RASAL2: variants seen among roughly 807,000 people sequenced by gnomAD.
RASAL2 encodes the protein RAS protein activator like 2, also known as ras GTPase-activating protein nGAP.
RASAL2 carries 58 observed loss-of-function variants against 128.9 expected under a neutral mutation model. The ratio of observed to expected loss-of-function variants is 0.45; its 90% CI spans 0.36 to 0.56. The LOEUF (loss-of-function observed/expected upper bound fraction) is 0.56, where lower values mean the gene tolerates loss of function less well. Ranked by LOEUF, RASAL2 falls within the 20% of genes least tolerant of loss-of-function variation. The pLI is 0.00. For synonymous variants in RASAL2, 561 were observed against 580.8 expected (o/e 0.97, Z 0.49); for missense variants, 1,360 against 1,601.6 (o/e 0.85, Z 2.57).
intron 3 of RASAL2, among the ~76,000 whole-genome samples, chr1:178,324,632 A>G (rs1193421151): frequency 6.6e-6 from 1 of 152,108 alleles, no homozygotes; most frequent in Admixed American, 6.5e-5. Context: ...GACTTGACCT[A>G]GGCCCTTGAC....
intron 1 of RASAL2, among the ~76,000 whole-genome samples, chr1:178,263,432 TCA>T (rs1256865301): frequency 6.6e-6 from 1 of 151,988 alleles, no homozygotes; most frequent in East Asian, 1.9e-4. Flanking sequence ...TTGACTAGAG[TCA>T]CATGGCTGGC....
At chr1:178,164,303 A>T (rs1380979261) in intron 1 of RASAL2, among the ~76,000 whole-genome samples, 1 of 152,162 alleles carries the variant, frequency 6.6e-6, no homozygotes, top group African/African-American at 2.4e-5. Flanking sequence ...CTCCAATTAT[A>T]ACATGTTATT....
intron 4 of RASAL2, among the ~76,000 whole-genome samples, chr1:178,401,475 T>C (rs905730091): frequency 3.3e-5 from 5 of 152,140 alleles, no homozygotes; most frequent in Non-Finnish European, 7.4e-5. Flanking sequence ...GCCTGTCAAC[T>C]CTTTAAAAGT....
chr1:178,102,576 A>G (rs1349743593), intron 1 of RASAL2, among the ~76,000 whole-genome samples: 2 of 152,068 alleles, frequency 1.3e-5, no homozygotes, highest in African/African-American at 2.4e-5. Context: ...TTTTTTGTGT[A>G]CAGATTTTTT....
chr1:178,200,727 G>A (rs1356661574), intron 1 of RASAL2, among the ~76,000 whole-genome samples: 1 of 152,154 alleles, frequency 6.6e-6, no homozygotes, highest in Non-Finnish European at 1.5e-5. Context: ...GAAAAGAATG[G>A]GACCCTGCAA....
chr1:178,285,409 C>T (rs1571779703), intron 2 of RASAL2, among the ~76,000 whole-genome samples: 1 of 152,082 alleles, frequency 6.6e-6, no homozygotes, highest in Admixed American at 6.5e-5. Flanking sequence ...CATGAGCCAC[C>T]GCGCCCGGCC....
chr1:178,373,943 C>T (rs1671856312), intron 3 of RASAL2, among the ~76,000 whole-genome samples: 1 of 151,976 alleles, frequency 6.6e-6, no homozygotes, highest in Non-Finnish European at 1.5e-5. Context: ...GATTATCCAC[C>T]CAATGGAAGC....
intron 1 of RASAL2, among the ~76,000 whole-genome samples, chr1:178,188,165 T>C (rs1424683042): frequency 6.6e-6 from 1 of 152,150 alleles, no homozygotes; most frequent in Non-Finnish European, 1.5e-5. Flanking sequence ...ATTCAACCAA[T>C]AACTCAAGGG....
chr1:178,414,450 AC>A (rs1429485647), intron 4 of RASAL2, among the ~76,000 whole-genome samples: 1 of 152,214 alleles, frequency 6.6e-6, no homozygotes, highest in Non-Finnish European at 1.5e-5. Flanking sequence ...CCTAAAGTAA[AC>A]TATGGAATAT....
intron 2 of RASAL2, among the ~76,000 whole-genome samples, chr1:178,285,451 T>C (rs2102221813): frequency 6.6e-6 from 1 of 152,338 alleles, no homozygotes; most frequent in African/African-American, 2.4e-5. Context: ...CTTGTTAATA[T>C]GCCTCCATGA....
intron 17 of RASAL2, among the ~76,000 whole-genome samples, chr1:178,471,464 G>T (rs1648262744): frequency 6.6e-6 from 1 of 152,114 alleles, no homozygotes; most frequent in African/African-American, 2.4e-5. Context: ...TCCTTAAAAT[G>T]AATTACTTTC....
intron 4 of RASAL2, among the ~76,000 whole-genome samples, chr1:178,395,163 A>G (rs949581459): frequency 6.6e-6 from 1 of 152,202 alleles, no homozygotes; most frequent in Non-Finnish European, 1.5e-5. Context: ...AACTTCAAAA[A>G]ATATACTGAT....
chr1:178,400,629 G>A (rs1255966303), intron 4 of RASAL2, among the ~76,000 whole-genome samples: 1 of 151,882 alleles, frequency 6.6e-6, no homozygotes, highest in African/African-American at 2.4e-5. Context: ...AAAAATTTTT[G>A]CTCTTTAAAA....
chr1:178,394,777 T>G (rs1673115249), intron 4 of RASAL2, among the ~76,000 whole-genome samples: 1 of 152,176 alleles, frequency 6.6e-6, no homozygotes. Context: ...AGCTGAATAT[T>G]CCTATGTAAC....
At chr1:178,280,167 A>G (rs983487897) in intron 1 of RASAL2, among the ~76,000 whole-genome samples, 2 of 152,098 alleles carry the variant, frequency 1.3e-5, no homozygotes, top group Non-Finnish European at 2.9e-5. Context: ...TAGTTATTTG[A>G]AAATATTATT....
rs867760391 is a variant in RASAL2 at position 178,317,948 on chromosome 1, C to T, written c.457+17830C>T. On this transcript the variant is annotated intron_variant, in intron 3 of 17. Coordinates refer to ENST00000367649, the MANE Select transcript of RASAL2 (RefSeq NM_170692.4). ...GGCATTTATTGCTATAAATTTCCCT[C>T]TACACACTGCTTTGAATGCGTCCCA... Among the ~76,000 whole-genome samples, 1,131 of 151,346 alleles carry T rather than the reference C, an allele frequency of 7.5e-3. 13 individuals carry two copies. The highest frequency in any genetic ancestry group is 0.026 in the African/African-American group (1,074 of 41,236).
chr1:178,170,232 C>CA (rs1188870306), intron 1 of RASAL2, among the ~76,000 whole-genome samples: 5 of 151,714 alleles, frequency 3.3e-5, no homozygotes. Flanking sequence ...GTGAAGTAGA[C>CA]AAAAAAGTTT....
At position 178,471,580 on chromosome 1, in the gene RASAL2, A is replaced by T. The variant is rs1301675341; in HGVS notation, c.3679-1495A>T. The stretch of plus-strand genomic sequence containing the variant: ...ATCAGGGAAAGAAGGATTTTTTTTT[A>T]AATGATAATGACAAGCAAGAGCTAG... On this transcript the variant is annotated intron_variant, in intron 17 of 17. Coordinates refer to ENST00000367649, the MANE Select transcript of RASAL2 (RefSeq NM_170692.4). Among the ~76,000 whole-genome samples the T allele has an allele frequency of 3.3e-5, 5 of 152,054 alleles. No individual in the cohort carries two copies. The South Asian group carries it at 6.2e-4, about 19-fold the overall frequency.
At chr1:178,226,883 T>C (rs1467523513) in intron 1 of RASAL2, among the ~76,000 whole-genome samples, 1 of 152,154 alleles carries the variant, frequency 6.6e-6, no homozygotes, top group Admixed American at 6.5e-5. Context: ...GAGGTTGCAG[T>C]GAGCCAAGAT....
Sources: allele counts gnomAD v4.1 joint callset (sites outside exome capture counted in the v4.1 genomes callset), GRCh38; gene constraint gnomAD v4.1.1; transcripts MANE v1.5; gene names NCBI Gene and HGNC (gene_info 2026-07-23, HGNC 2026-07-21).